Variants in MAGI2 observed in about 807,000 individuals in gnomAD.
The protein encoded by MAGI2 is membrane-associated guanylate kinase, WW and PDZ domain-containing protein 2.
In MAGI2, 35 loss-of-function variants were observed where a neutral mutation model predicts 133.3. That is an observed-to-expected ratio of 0.26 (90% CI 0.20 to 0.35). The LOEUF (loss-of-function observed/expected upper bound fraction) is 0.35, where lower values mean the gene tolerates loss of function less well. Ranked by LOEUF, MAGI2 falls within the 10% of genes least tolerant of loss-of-function variation. The pLI is 1.00. For missense variants in MAGI2, 1,636 were observed against 1,863.4 expected, an observed-to-expected ratio of 0.88 and a Z score of 2.25; for synonymous variants, 729 against 710.6, an observed-to-expected ratio of 1.03 and a Z score of -0.41.
intron 1 of MAGI2, chr7:79,414,704 C>T (rs1846380787): frequency 1.3e-5 from 2 of 152,214 alleles, no homozygotes; most frequent in South Asian, 4.1e-4. Context: ...CCTCTTTGGG[C>T]ATTTATTTAT....
At chr7:79,384,127 C>T (rs1383833433) in intron 1 of MAGI2, among the ~76,000 whole-genome samples, 2 of 146,920 alleles carry the variant, frequency 1.4e-5, no homozygotes, top group African/African-American at 5.1e-5. Flanking sequence ...ATTACAGATA[C>T]ATTAAAAGAA....
At chr7:79,417,884 ACTAC>A (rs1232170466) in intron 1 of MAGI2, among the ~76,000 whole-genome samples, 6 of 152,124 alleles carry the variant, frequency 3.9e-5, no homozygotes, top group Admixed American at 1.3e-4. Flanking sequence ...GAAAACAACA[ACTAC>A]CCCCCCAAAT....
chr7:78,255,743 A>G, intron 10 of MAGI2, 200 bp downstream of exon 10: 1 of 643,886 alleles, frequency 1.6e-6, no homozygotes, highest in Non-Finnish European at 2.7e-6. Context: ...TATTGTGTTT[A>G]ATACAAAATA....
intron 6 of MAGI2, among the ~76,000 whole-genome samples, chr7:78,396,311 T>C (rs1796340650): frequency 1.3e-5 from 2 of 152,214 alleles, no homozygotes; most frequent in Admixed American, 6.5e-5. Flanking sequence ...TCTTCCATTC[T>C]GCCAGCCTCC....
chr7:78,036,984 C>A (rs1168627325), intron 21 of MAGI2, among the ~76,000 whole-genome samples: 1 of 152,110 alleles, frequency 6.6e-6, no homozygotes, highest in African/African-American at 2.4e-5. Context: ...TCACTTCTTT[C>A]CCATATATCC....
intron 6 of MAGI2, among the ~76,000 whole-genome samples, chr7:78,399,361 G>A (rs565593112): frequency 1.3e-5 from 2 of 152,334 alleles, no homozygotes; most frequent in Admixed American, 6.5e-5. Flanking sequence ...TCTGCCAAGT[G>A]TAGAAATCTT....
chr7:79,338,081 G>GA (rs147011003), intron 1 of MAGI2, among the ~76,000 whole-genome samples: 9,726 of 151,082 alleles, frequency 0.064, 586 homozygotes, highest in African/African-American at 0.16. Flanking sequence ...CTTTAAAATA[G>GA]AAAAAAAAAT....
chr7:78,913,408 G>C (rs1253817118), intron 2 of MAGI2, among the ~76,000 whole-genome samples: 2 of 152,158 alleles, frequency 1.3e-5, no homozygotes, highest in Non-Finnish European at 2.9e-5. Context: ...TTCCCCCTTT[G>C]CCTTCTGCCG....
At chr7:78,419,595 C>T (rs1409955226) in intron 6 of MAGI2, among the ~76,000 whole-genome samples, 8 of 62,504 alleles carry the variant, frequency 1.3e-4, no homozygotes, top group Non-Finnish European at 2.1e-4. Flanking sequence ...TGGGATTGAG[C>T]AGTGATTTTT....
chr7:78,631,228 C>A (rs948458698), intron 2 of MAGI2, among the ~76,000 whole-genome samples: 1 of 152,180 alleles, frequency 6.6e-6, no homozygotes, highest in Admixed American at 6.5e-5. Context: ...TCTAGTTGTG[C>A]TGGTTTGAAA....
At chr7:79,445,694 A>G (rs891163457) in intron 1 of MAGI2, among the ~76,000 whole-genome samples, 5 of 152,220 alleles carry the variant, frequency 3.3e-5, no homozygotes, top group Non-Finnish European at 4.4e-5. Flanking sequence ...GTGGAGAAAC[A>G]GGAACACTTT....
intron 1 of MAGI2, among the ~76,000 whole-genome samples, chr7:79,156,399 T>A (rs1477360268): frequency 6.6e-6 from 1 of 152,060 alleles, no homozygotes. Flanking sequence ...TATCTGAAAA[T>A]CTAGCACCTT....
At chr7:78,087,628 G>T (rs1350138157) in intron 20 of MAGI2, among the ~76,000 whole-genome samples, 1 of 151,634 alleles carries the variant, frequency 6.6e-6, no homozygotes, top group East Asian at 2.0e-4. Flanking sequence ...GGTTAAAAAT[G>T]AAAACAAAAC....
At chr7:78,531,210 ATTAAG>A (rs1465389213) in intron 3 of MAGI2, among the ~76,000 whole-genome samples, 7 of 149,382 alleles carry the variant, frequency 4.7e-5, no homozygotes, top group South Asian at 4.2e-4. Context: ...GTAATTATTA[ATTAAG>A]TTTTTTTTTT....
intron 9 of MAGI2, among the ~76,000 whole-genome samples, chr7:78,288,532 T>C (rs1045310234): frequency 6.6e-6 from 1 of 152,208 alleles, no homozygotes; most frequent in South Asian, 2.1e-4. Context: ...CTCCAGTCTA[T>C]AGCCCCCAGC....
intron 9 of MAGI2, among the ~76,000 whole-genome samples, chr7:78,313,797 T>C (rs183391201): frequency 1.3e-5 from 2 of 152,282 alleles, no homozygotes; most frequent in East Asian, 3.9e-4. Context: ...TATTTGCTAT[T>C]TAATAGATTT....
chr7:78,718,630 T>G (rs1819957212), intron 2 of MAGI2, among the ~76,000 whole-genome samples: 1 of 151,868 alleles, frequency 6.6e-6, no homozygotes, highest in Non-Finnish European at 1.5e-5. Flanking sequence ...ACCATCTAGT[T>G]GCAGGAAAAC....
rs200327008 is a variant in MAGI2 at position 78,070,174 on chromosome 7, C to T, written c.3706+8773G>A. ...ACACACATATATATACACACACACA[C>T]ATATATATATATATATATATATATA... On this transcript the variant is annotated intron_variant, in intron 21 of 21. Transcript: ENST00000354212. Among the ~76,000 whole-genome samples, 12 of 56,660 alleles carry T rather than the reference C, an allele frequency of 2.1e-4. No homozygotes were observed. The South Asian group carries it at 2.2e-3, about 10-fold the overall frequency. The allele number at this position is 56,660 out of a possible 152,430, so 37.2% of individuals were successfully genotyped here. A position where few individuals can be genotyped will look rare whatever the true frequency, so the allele number is the denominator to read the frequency against.
At chr7:79,049,746 A>G (rs557397893) in intron 1 of MAGI2, among the ~76,000 whole-genome samples, 71 of 150,582 alleles carry the variant, frequency 4.7e-4, no homozygotes, top group Admixed American at 2.6e-3. Flanking sequence ...AAATACACAT[A>G]TTTTGTTTTA....
Sources: gnomAD v4.1 joint callset for allele counts (sites outside exome capture counted in the v4.1 genomes callset) on GRCh38, gnomAD v4.1.1 for gene constraint, MANE v1.5 for transcripts, NCBI Gene and HGNC (gene_info 2026-07-23, HGNC 2026-07-21) for gene names.